Variants in RBFOX1 observed in about 807,000 individuals in gnomAD.
RBFOX1 encodes RNA binding protein fox-1 homolog 1.
Under a neutral mutation model 57.7 loss-of-function variants are expected in RBFOX1, and 8 were observed. The ratio of observed to expected loss-of-function variants is 0.14; its 90% CI spans 0.08 to 0.25. RBFOX1 has a LOEUF of 0.25. Among genes scored for constraint, RBFOX1 ranks in the 10% least tolerant of loss-of-function variants. RBFOX1 has a pLI of 1.00. For synonymous variants in RBFOX1, 326 were observed against 222.4 expected (o/e 1.47, Z -4.15); for missense variants, 611 against 548.5 (o/e 1.11, Z -1.14).
chr16:5,679,511 A>AC (rs1204117870), intron 3 of RBFOX1, among the ~76,000 whole-genome samples: 2 of 146,192 alleles, frequency 1.4e-5, no homozygotes, highest in African/African-American at 5.0e-5. Flanking sequence ...CTTGTCCCCC[A>AC]CCCCCCGACA....
At chr16:6,441,486 G>T (rs781448838) in intron 2 of RBFOX1, among the ~76,000 whole-genome samples, 5 of 151,710 alleles carry the variant, frequency 3.3e-5, no homozygotes, top group African/African-American at 7.3e-5. Flanking sequence ...GGGCAATCTC[G>T]GCCCACTGCA....
intron 1 of RBFOX1, among the ~76,000 whole-genome samples, chr16:5,384,369 A>C (rs1486457073): frequency 6.6e-6 from 1 of 152,200 alleles, no homozygotes; most frequent in Non-Finnish European, 1.5e-5. Flanking sequence ...AATGTCAGTC[A>C]ATAGAGGTTC....
At chr16:7,626,508 G>C (rs1178403546) in intron 10 of RBFOX1, among the ~76,000 whole-genome samples, 11 of 152,148 alleles carry the variant, frequency 7.2e-5, no homozygotes, top group Admixed American at 7.2e-4. Context: ...TTTGGAACGG[G>C]CTCTGATTAT....
intron 4 of RBFOX1, among the ~76,000 whole-genome samples, chr16:5,995,729 G>T (rs1424924701): frequency 6.6e-6 from 1 of 152,148 alleles, no homozygotes; most frequent in African/African-American, 2.4e-5. Flanking sequence ...AAGAGTTCCT[G>T]GGGCTCTTAG....
At chr16:5,705,158 C>A (rs1263582676) in intron 3 of RBFOX1, among the ~76,000 whole-genome samples, 1 of 152,200 alleles carries the variant, frequency 6.6e-6, no homozygotes, top group Admixed American at 6.5e-5. Context: ...AACCTTTGAT[C>A]TTTGTCCTTG....
At chr16:5,631,580 T>G (rs1441589753) in intron 3 of RBFOX1, among the ~76,000 whole-genome samples, 3 of 151,952 alleles carry the variant, frequency 2.0e-5, no homozygotes, top group Non-Finnish European at 4.4e-5. Flanking sequence ...AAGTGTCTCT[T>G]CTATGTATCC....
At chr16:7,226,498 T>C (rs1160602615) in intron 4 of RBFOX1, among the ~76,000 whole-genome samples, 1 of 152,212 alleles carries the variant, frequency 6.6e-6, no homozygotes, top group African/African-American at 2.4e-5. Flanking sequence ...GTGTACATTC[T>C]GAGGGCAAAA....
intron 1 of RBFOX1, among the ~76,000 whole-genome samples, chr16:5,395,424 T>C (rs2066523107): frequency 6.6e-6 from 1 of 150,624 alleles, no homozygotes; most frequent in African/African-American, 2.5e-5. Flanking sequence ...AATAACGCAG[T>C]TGCGGGTGAG....
At chr16:6,227,313 A>T (rs1043739690) in intron 1 of RBFOX1, among the ~76,000 whole-genome samples, 1 of 152,130 alleles carries the variant, frequency 6.6e-6, no homozygotes, top group African/African-American at 2.4e-5. Context: ...TGAATTTTTT[A>T]AAAGTTCTCA....
intron 1 of RBFOX1, among the ~76,000 whole-genome samples, chr16:6,096,515 G>A (rs1409889677): frequency 6.6e-6 from 1 of 152,080 alleles, no homozygotes; most frequent in Non-Finnish European, 1.5e-5. Context: ...AATGATTTTG[G>A]AATTCCTGGC....
intron 11 of RBFOX1, among the ~76,000 whole-genome samples, chr16:7,634,250 T>C (rs1240167895): frequency 6.6e-6 from 1 of 152,224 alleles, no homozygotes; most frequent in Non-Finnish European, 1.5e-5. Context: ...GCTGTGCTCC[T>C]GAAGGAAGGT....
intron 4 of RBFOX1, among the ~76,000 whole-genome samples, chr16:5,901,027 A>C (rs1276107754): frequency 1.3e-5 from 2 of 152,218 alleles, no homozygotes; most frequent in Non-Finnish European, 2.9e-5. Flanking sequence ...CTTTGGTTGC[A>C]GAGATACCTG....
chr16:7,217,065 C>G (rs1294290037), intron 4 of RBFOX1, among the ~76,000 whole-genome samples: 2 of 131,994 alleles, frequency 1.5e-5, no homozygotes, highest in African/African-American at 2.8e-5. Flanking sequence ...CTCTCTCCCT[C>G]TCCTTTCCCT....
At chr16:6,970,294 A>C (rs577976600) in intron 3 of RBFOX1, among the ~76,000 whole-genome samples, 1 of 152,208 alleles carries the variant, frequency 6.6e-6, no homozygotes, top group Non-Finnish European at 1.5e-5. Context: ...CAACAACATC[A>C]TCACCTAGAC....
At chr16:7,157,000 C>T (rs2077285384) in intron 4 of RBFOX1, among the ~76,000 whole-genome samples, 1 of 152,186 alleles carries the variant, frequency 6.6e-6, no homozygotes, top group Non-Finnish European at 1.5e-5. Context: ...CATACATCCT[C>T]TGCTGTCAGA....
At chr16:6,038,296 C>G (rs1250731948) in intron 1 of RBFOX1, 4 of 150,514 alleles carry the variant, frequency 2.7e-5, no homozygotes, top group African/African-American at 9.7e-5. Context: ...ATTCTCCTGC[C>G]TGAGCCTCCT....
chr16:6,004,335 T>C (rs894878188), intron 4 of RBFOX1, among the ~76,000 whole-genome samples: 3 of 152,234 alleles, frequency 2.0e-5, no homozygotes, highest in African/African-American at 4.8e-5. Flanking sequence ...AGTTTTCTTA[T>C]CTGCAAAATG....
chr16:7,240,731 TTTTG>T (rs376268774), intron 4 of RBFOX1, among the ~76,000 whole-genome samples: 52 of 151,994 alleles, frequency 3.4e-4, no homozygotes, highest in African/African-American at 1.2e-3. Context: ...ATTTTTGTAG[TTTTG>T]TTTGTTTGTT....
At chr16:5,538,571 T>C (rs1419472662) in intron 2 of RBFOX1, among the ~76,000 whole-genome samples, 2 of 152,092 alleles carry the variant, frequency 1.3e-5, no homozygotes, top group Non-Finnish European at 2.9e-5. Context: ...TATCAGGCAT[T>C]TATATATCAT....
Sources: allele counts gnomAD v4.1 joint callset (sites outside exome capture counted in the v4.1 genomes callset), GRCh38; gene constraint gnomAD v4.1.1; transcripts MANE v1.5; gene names NCBI Gene and HGNC (gene_info 2026-07-23, HGNC 2026-07-21).